The following IMMP2L variants were observed in gnomAD, a reference collection of about 807,000 sequenced individuals.
IMMP2L encodes mitochondrial inner membrane protease subunit 2.
In IMMP2L, 18 loss-of-function variants were observed where a neutral mutation model predicts 19.3. The ratio of observed to expected loss-of-function variants is 0.93; its 90% CI spans 0.64 to 1.38. The LOEUF (loss-of-function observed/expected upper bound fraction) is 1.38. Among genes scored for constraint, IMMP2L ranks in the 40% most tolerant of loss-of-function variants. The pLI is 0.00. For missense variants in IMMP2L, 233 were observed against 218.2 expected, an observed-to-expected ratio of 1.07 and a Z score of -0.43; for synonymous variants, 76 against 73.0, an observed-to-expected ratio of 1.04 and a Z score of -0.21.
chr7:111,327,630 A>T (rs1825457305), intron 3 of IMMP2L, among the ~76,000 whole-genome samples: 1 of 151,680 alleles, frequency 6.6e-6, no homozygotes, highest in Admixed American at 6.6e-5. Context: ...CAAATGTGCT[A>T]TTTGTGCATG....
rs573952693 is a variant in IMMP2L, at chr7:111,069,145, C to T, written c.240-105580G>A. On this transcript the variant is annotated intron_variant, in intron 3 of 5. Transcript: ENST00000405709. ...TGTTCCCATCTTTAAATTGAGGGTA[C>T]GAGACTAGGTCTATTAAAGCAAACA... Among the ~76,000 whole-genome samples, 8 of 152,230 alleles carry T rather than the reference C, an allele frequency of 5.3e-5. No individual in the cohort carries two copies. In the South Asian group the frequency reaches 1.0e-3, roughly 20 times the overall value.
intron 5 of IMMP2L, among the ~76,000 whole-genome samples, chr7:110,696,705 C>A (rs995785723): frequency 6.6e-6 from 1 of 151,996 alleles, no homozygotes; most frequent in Non-Finnish European, 1.5e-5. Flanking sequence ...GGATTATAGG[C>A]GTGAGCCACT....
intron 3 of IMMP2L, among the ~76,000 whole-genome samples, chr7:111,311,498 A>T (rs1823511239): frequency 6.6e-6 from 1 of 152,120 alleles, no homozygotes. Flanking sequence ...CCTTTCCACA[A>T]TGTACAATCA....
At chr7:110,814,062 T>C (rs1370288647) in intron 5 of IMMP2L, among the ~76,000 whole-genome samples, 1 of 152,006 alleles carries the variant, frequency 6.6e-6, no homozygotes, top group East Asian at 1.9e-4. Flanking sequence ...GAGAACACTC[T>C]TGATTTGATT....
At chr7:111,438,066 T>C (rs1034612565) in intron 3 of IMMP2L, among the ~76,000 whole-genome samples, 1 of 151,890 alleles carries the variant, frequency 6.6e-6, no homozygotes, top group Admixed American at 6.6e-5. Flanking sequence ...TACAAATTAT[T>C]TGCTCTTTGC....
chr7:111,426,193 T>C lies in IMMP2L; in HGVS notation c.239+61045A>G, dbSNP rs1836057379. Among the ~76,000 whole-genome samples the C allele has an allele frequency of 1.3e-5, 2 of 151,072 alleles. 1 individual carries two copies. The highest frequency in any genetic ancestry group is 3.0e-5 in the Non-Finnish European group (2 of 67,638). ...AAGGTAAATTATATATTTCTGGTAGTTGCTTCTCAAATATGTCAAAATAAT... is the reference window on the plus strand; with the variant it reads ...AAGGTAAATTATATATTTCTGGTAGCTGCTTCTCAAATATGTCAAAATAAT... On this transcript the variant is annotated intron_variant, in intron 3 of 5. Transcript: ENST00000405709.
rs1585518842 is a variant in IMMP2L at position 110,971,689 on chromosome 7, A to G, written c.240-8124T>C. On this transcript the variant is annotated intron_variant, in intron 3 of 5. Coordinates refer to ENST00000405709, the MANE Select transcript of IMMP2L (RefSeq NM_032549.4). ...ATAGGACACTTAAGTCTTGCTTGCAATAGGACACTTAAAATCAGCAACAGC... is the reference window on the plus strand; with the variant it reads ...ATAGGACACTTAAGTCTTGCTTGCAGTAGGACACTTAAAATCAGCAACAGC... 2.0e-5 allele frequency among the ~76,000 whole-genome samples: 3 copies of G among 152,262 alleles called. No individual in the cohort carries two copies. In the East Asian group the frequency reaches 5.8e-4, roughly 29 times the overall value.
intron 3 of IMMP2L, among the ~76,000 whole-genome samples, chr7:111,272,927 G>A (rs1818624308): frequency 6.6e-6 from 1 of 152,140 alleles, no homozygotes; most frequent in African/African-American, 2.4e-5. Flanking sequence ...GTTGGAGGAG[G>A]TGACAATGGA....
At chr7:111,496,644 C>T (rs1234163791) in intron 2 of IMMP2L, among the ~76,000 whole-genome samples, 1 of 152,160 alleles carries the variant, frequency 6.6e-6, no homozygotes, top group Non-Finnish European at 1.5e-5. Flanking sequence ...TCTTCTCTTT[C>T]CATTGCAAAT....
chr7:111,330,651 A>G lies in IMMP2L; in HGVS notation c.239+156587T>C, dbSNP rs145901943. Among the ~76,000 whole-genome samples, 463 of 152,058 alleles carry G rather than the reference A, an allele frequency of 3.0e-3. 2 individuals are homozygous for G. Among genetic ancestry groups the G allele is most frequent in the African/African-American group, 0.01 (436 of 41,544 alleles). ...CAAGTAAAAGAATTAGACTGGCAATAGATTTATCAAAAATAAGATTCATAT... is the reference window on the plus strand; with the variant it reads ...CAAGTAAAAGAATTAGACTGGCAATGGATTTATCAAAAATAAGATTCATAT... On this transcript the variant is annotated intron_variant, in intron 3 of 5. Transcript: ENST00000405709.
chr7:111,191,236 T>C (rs1413851761), intron 3 of IMMP2L, among the ~76,000 whole-genome samples: 1 of 152,084 alleles, frequency 6.6e-6, no homozygotes, highest in Non-Finnish European at 1.5e-5. Context: ...TCTTTGAACA[T>C]TCCTCCCCCA....
At chr7:111,324,113 C>G (rs1825058314) in intron 3 of IMMP2L, among the ~76,000 whole-genome samples, 1 of 151,972 alleles carries the variant, frequency 6.6e-6, no homozygotes, top group African/African-American at 2.4e-5. Flanking sequence ...GCACATTGTG[C>G]ACATATACCC....
intron 1 of IMMP2L, among the ~76,000 whole-genome samples, chr7:111,559,259 T>C (rs527312884): frequency 6.6e-6 from 1 of 152,330 alleles, no homozygotes; most frequent in South Asian, 2.1e-4. Flanking sequence ...GTATCAGATA[T>C]ACTAAATACA....
chr7:111,514,148 T>C (rs1301928578), intron 2 of IMMP2L, among the ~76,000 whole-genome samples: 3 of 152,118 alleles, frequency 2.0e-5, no homozygotes, highest in Non-Finnish European at 4.4e-5. Flanking sequence ...TACTGTATTA[T>C]ACACTCGAAT....
intron 5 of IMMP2L, among the ~76,000 whole-genome samples, chr7:110,755,196 C>T (rs1351855178): frequency 1.3e-5 from 2 of 151,940 alleles, no homozygotes; most frequent in Non-Finnish European, 2.9e-5. Context: ...AATATGTTTA[C>T]TGCATGTTTG....
chr7:110,696,530 G>A (rs928337145), intron 5 of IMMP2L, among the ~76,000 whole-genome samples: 24 of 147,752 alleles, frequency 1.6e-4, no homozygotes, highest in Non-Finnish European at 2.5e-4. Flanking sequence ...AGGTTCAAGC[G>A]ATTCTCCTGC....
At chr7:111,021,239 C>T (rs1826245143) in intron 3 of IMMP2L, among the ~76,000 whole-genome samples, 1 of 152,214 alleles carries the variant, frequency 6.6e-6, no homozygotes, top group South Asian at 2.1e-4. Flanking sequence ...TTATCCAGCT[C>T]ATCTTTCCGC....
intron 3 of IMMP2L, among the ~76,000 whole-genome samples, chr7:111,379,895 G>A (rs17158539): frequency 0.026 from 3,928 of 151,768 alleles, 175 homozygotes; most frequent in African/African-American, 0.09. Context: ...ATACATCCAC[G>A]TAAGTTTAGG....
chr7:111,307,331 T>C (rs1253252722), intron 3 of IMMP2L, among the ~76,000 whole-genome samples: 3 of 151,772 alleles, frequency 2.0e-5, no homozygotes, highest in Non-Finnish European at 4.4e-5. Context: ...ATTTTAACAG[T>C]ATTTACCAAT....
Sources: gnomAD v4.1 joint callset for allele counts (sites outside exome capture counted in the v4.1 genomes callset) on GRCh38, gnomAD v4.1.1 for gene constraint, MANE v1.5 for transcripts, NCBI Gene and HGNC (gene_info 2026-07-23, HGNC 2026-07-21) for gene names.